ZNF236: variants seen among roughly 807,000 people sequenced by gnomAD.
ZNF236 encodes the protein regulated by glucose.
In ZNF236, 50 loss-of-function variants were observed where a neutral mutation model predicts 191.2. The observed-to-expected ratio is 0.26, with a 90% CI of 0.21 to 0.33. ZNF236 has a LOEUF of 0.33. ZNF236 is among the 10% of genes least tolerant of loss of function. The pLI is 1.00. For missense variants in ZNF236, 1,754 were observed against 2,374.5 expected, an observed-to-expected ratio of 0.74 and a Z score of 5.43; for synonymous variants, 907 against 928.8, an observed-to-expected ratio of 0.98 and a Z score of 0.43.
chr18:76,846,533 C>T (rs772983802), intron 1 of ZNF236, among the ~76,000 whole-genome samples: 1 of 152,108 alleles, frequency 6.6e-6, no homozygotes, highest in South Asian at 2.1e-4. Context: ...GAGTCTAGAC[C>T]GCCATTGGGT....
Position 76,955,870 on chromosome 18 carries a change from G to GCCTT in ZNF236, c.4915-115_4915-114insCCTT, listed in dbSNP as rs1414429086. 3 of 1,164,942 alleles carry GCCTT rather than the reference G, an allele frequency of 2.6e-6. No homozygotes were observed. The East Asian group carries it at 7.7e-5, about 30-fold the overall frequency. The allele number at this position is 1,164,942 out of a possible 1,614,324, so 72.2% of individuals were successfully genotyped here. The stretch of plus-strand genomic sequence containing the variant: ...TCCTGATGATAGGACATGCAGTGTG[G>GCCTT]GCTTGGCGTGTCCGTGCTAGGAATG... On this transcript the variant is annotated intron_variant, in intron 27 of 30. Transcript: ENST00000320610.
At position 76,849,541 on chromosome 18, in the gene ZNF236, T is replaced by C; in HGVS notation, c.71T>C (p.Leu24Ser). The change falls in exon 2 of 31, where the codon TTG (leucine) becomes TCG (serine). Residue 24 changes from leucine (L) to serine (S), a missense_variant. By Grantham distance (145) the Leu-to-Ser change is moderately radical. This residue lies in a region of ZNF236 where 336 missense variants were observed against 495.1 expected (regional missense o/e 0.68). Coordinates refer to ENST00000320610, the MANE Select transcript of ZNF236 (RefSeq NM_001306089.2). ...AATTTTATAGATGGAGTTTTAACAT[T>C]GAATGCGGAGAACACTAATTATGCC... ...ARGDSDGVLT[L>S]NAENTNYAYQ... 1 of 1,609,004 alleles carries C rather than the reference T, an allele frequency of 6.2e-7. No homozygotes were observed. The highest frequency in any genetic ancestry group is 1.7e-5 in the Admixed American group (1 of 58,594).
In ZNF236 at chr18:76,850,394, C is replaced by T. The variant is rs913474632; in HGVS notation, c.198+726C>T. Among the ~76,000 whole-genome samples the T allele has an allele frequency of 3.9e-5, 6 of 152,010 alleles. No homozygotes were observed. The East Asian group carries it at 7.7e-4, about 20-fold the overall frequency. ...GATAATATAATATAAATATAATATA[C>T]CAGTATGCACCAGTATTATTTTCTC... On this transcript the variant is annotated intron_variant, in intron 2 of 30. Transcript: ENST00000320610.
intron 26 of ZNF236, among the ~76,000 whole-genome samples, chr18:76,941,131 G>T (rs1015653236): frequency 1.9e-4 from 29 of 152,192 alleles, no homozygotes; most frequent in African/African-American, 7.0e-4. Flanking sequence ...GGTGGGGACT[G>T]CTGGTGTAGT....
intron 3 of ZNF236, among the ~76,000 whole-genome samples, chr18:76,867,883 C>T (rs943436438): frequency 3.9e-5 from 6 of 152,012 alleles, no homozygotes; most frequent in Non-Finnish European, 7.4e-5. Flanking sequence ...GATTGGCAGC[C>T]TTAAGGTGAA....
chr18:76,868,995 C>T (rs1976507605), intron 4 of ZNF236, 132 bp downstream of exon 4: 1 of 821,194 alleles, frequency 1.2e-6, no homozygotes, highest in Admixed American at 3.0e-5. Flanking sequence ...AATTTGGTGT[C>T]AGAACGTCTT....
At chr18:76,926,123 T>A (rs556207275) in intron 22 of ZNF236, among the ~76,000 whole-genome samples, 95 of 152,334 alleles carry the variant, frequency 6.2e-4, no homozygotes, top group African/African-American at 2.3e-3. Context: ...ATCAGTAGAA[T>A]CTTTTTGAGC....
rs761022289 is a variant in ZNF236 at position 76,851,856 on chromosome 18, G to T, written c.280G>T (p.Asp94Tyr). The part of the protein sequence containing the change: ...TLHKCTHSGE[D>Y]PTCPVCNKKF... ...TCATAAATGCACCCACAGCGGGGAA[G>T]ATCCTACCTGCCCTGTGTGTAACAA... is the stretch of plus-strand genomic sequence containing the variant. Residue 94 changes from aspartate to tyrosine, a missense_variant, in exon 3 of 31, where the codon GAT (aspartate) becomes TAT (tyrosine). Coordinates refer to ENST00000320610, the MANE Select transcript of ZNF236 (RefSeq NM_001306089.2). The T allele has an allele frequency of 1.2e-6, 2 of 1,614,088 alleles. No homozygotes were observed. The highest frequency in any genetic ancestry group is 1.1e-5 in the South Asian group (1 of 91,040).
At position 76,849,918 on chromosome 18, in the gene ZNF236, T is replaced by C. The variant is rs76191525; in HGVS notation, c.198+250T>C. Among the ~76,000 whole-genome samples the C allele has an allele frequency of 3.0e-3, 452 of 152,354 alleles. 17 individuals are homozygous for C. The East Asian group carries it at 0.075, about 25-fold the overall frequency. ...AAGTTACTTATTTGTGGACAAATAA[T>C]TGTTTAAAAAATATGACTTTTTAAA... On this transcript the variant is annotated intron_variant, in intron 2 of 30. Transcript: ENST00000320610.
chr18:76,956,055 T>G lies in ZNF236; in HGVS notation c.4985T>G (p.Leu1662Arg). The G allele has an allele frequency of 6.2e-7, 1 of 1,609,162 alleles. No individual in the cohort carries two copies. The highest frequency in any genetic ancestry group is 8.5e-7 in the Non-Finnish European group (1 of 1,178,902). ...PEKEGRAHQC[L>R]ECDRAFSSAA... ...AAGGAGGGCCGGGCGCACCAGTGCC[T>G]GGAGTGTGACCGCGCCTTCTCATCG... is the stretch of plus-strand genomic sequence containing the variant. Residue 1662 changes from leucine to arginine, a missense_variant, in exon 28 of 31, where the codon CTG becomes CGG. Leu to Arg is a moderately radical substitution (Grantham distance 102). This residue lies in a region of ZNF236 where 606 missense variants were observed against 761.5 expected (regional missense o/e 0.80). Transcript: ENST00000320610.
chr18:76,920,089 G>T (rs374504739), intron 20 of ZNF236, 31 bp downstream of exon 20: 4 of 1,589,170 alleles, frequency 2.5e-6, no homozygotes, highest in Middle Eastern at 2.3e-4. Flanking sequence ...CGCGGGTTCC[G>T]CTCTGAAGAC....
intron 10 of ZNF236, among the ~76,000 whole-genome samples, chr18:76,898,397 A>T (rs1977496919): frequency 6.6e-6 from 1 of 152,224 alleles, no homozygotes; most frequent in Non-Finnish European, 1.5e-5. Context: ...GACAATGTGG[A>T]TGAGTATTTG....
chr18:76,855,192 G>GA (rs1296977376), intron 3 of ZNF236, among the ~76,000 whole-genome samples: 1 of 152,196 alleles, frequency 6.6e-6, no homozygotes, highest in African/African-American at 2.4e-5. Context: ...CCAGAGTGCT[G>GA]GGATTACAGG....
At position 76,899,141 on chromosome 18, in the gene ZNF236, C is replaced by T. The variant is rs756556688; in HGVS notation, c.1813C>T (p.Pro605Ser). The change falls in exon 11 of 31, where the codon CCT (proline) becomes TCT (serine). Residue 605 changes from proline (P) to serine (S), a missense_variant. Around this residue, in one of 5 missense-constraint regions of ZNF236, gnomAD observed 641 missense variants for 869.6 expected, o/e 0.74. Coordinates refer to ENST00000320610, the MANE Select transcript of ZNF236 (RefSeq NM_001306089.2). ...ELRKMRHQRK[P>S]AKVRVGKTNI... ...AAGGAAAATGAGGCACCAGCGTAAA[C>T]CTGCAAAGGTCCGTGTTGGCAAGAC... is the stretch of plus-strand genomic sequence containing the variant. 1.2e-6 allele frequency: 2 copies of T among 1,614,170 alleles called. No individual in the cohort carries two copies. The highest frequency in any genetic ancestry group is 2.2e-5 in the South Asian group (2 of 91,086).
chr18:76,901,383 T>C (rs1599378225), intron 11 of ZNF236, among the ~76,000 whole-genome samples: 1 of 152,226 alleles, frequency 6.6e-6, no homozygotes, highest in East Asian at 1.9e-4. Flanking sequence ...AATAATATGC[T>C]TGGCAGAATT....
rs1427057296 is a variant in ZNF236, at chr18:76,912,320, A to G, written c.2882A>G (p.Asn961Ser). The G allele has an allele frequency of 1.2e-6, 2 of 1,614,216 alleles. No individual in the cohort carries two copies. The highest frequency in any genetic ancestry group is 1.7e-6 in the Non-Finnish European group (2 of 1,180,030). The change falls in exon 17 of 31, where the codon AAC becomes AGC. Residue 961 changes from asparagine (N) to serine (S), a missense_variant. This residue lies in a region of ZNF236 where 641 missense variants were observed against 869.6 expected (regional missense o/e 0.74). Coordinates refer to ENST00000320610, the MANE Select transcript of ZNF236 (RefSeq NM_001306089.2). ...CAAGGTTCCCAGTTTCTGGAGGACA[A>G]CGAGGACCAGAGCAGGCGCTCTTAC... ...QAQGSQFLEDNEDQSRRSYRC... is the reference protein window; with the variant it reads ...QAQGSQFLEDSEDQSRRSYRC...
At chr18:76,913,512 A>G (rs957836366) in intron 17 of ZNF236, among the ~76,000 whole-genome samples, 1 of 152,250 alleles carries the variant, frequency 6.6e-6, no homozygotes, top group African/African-American at 2.4e-5. Flanking sequence ...TAAGTAATAC[A>G]TTTAAGACTG....
intron 13 of ZNF236, among the ~76,000 whole-genome samples, chr18:76,908,079 T>G (rs1176072708): frequency 6.6e-6 from 1 of 151,332 alleles, no homozygotes. Context: ...TGTGTTGTCC[T>G]TCATCCTCCG....
At chr18:76,826,878 T>C (rs1022301531) in intron 1 of ZNF236, among the ~76,000 whole-genome samples, 16 of 152,242 alleles carry the variant, frequency 1.1e-4, no homozygotes, top group Non-Finnish European at 2.1e-4. Flanking sequence ...ATTCCTGTAT[T>C]CAACAACTAT....
Sources: allele counts gnomAD v4.1 joint callset (sites outside exome capture counted in the v4.1 genomes callset), GRCh38; gene constraint gnomAD v4.1.1; regional missense constraint gnomAD v4.1.1; transcripts MANE v1.5; gene names NCBI Gene and HGNC (gene_info 2026-07-23, HGNC 2026-07-21).